The following YAE1 variants were observed in gnomAD, a reference collection of about 807,000 sequenced individuals.
YAE1 encodes the protein protein YAE1 homolog.
In YAE1, 22 loss-of-function variants were observed where a neutral mutation model predicts 23.0. The ratio of observed to expected loss-of-function variants is 0.96; its 90% confidence interval spans 0.68 to 1.37. The LOEUF is 1.37. Ranked by LOEUF, YAE1 falls within the 40% of genes most tolerant of loss-of-function variation. The probability of loss-of-function intolerance (pLI) is 0.00; values close to 1 mark genes in which losing one functional copy is unlikely to be tolerated. For missense variants in YAE1, 260 were observed against 262.1 expected (o/e 0.99, Z 0.06); for synonymous variants, 101 against 97.0 (o/e 1.04, Z -0.24).
chr7:39,589,830 G>A (rs1420355149), intron 2 of YAE1, among the ~76,000 whole-genome samples: 2 of 152,140 alleles, frequency 1.3e-5, no homozygotes, highest in East Asian at 1.9e-4. Context: ...GCAGGCAGTC[G>A]CATTTAGGAA....
chr7:39,582,597 T>G (rs1024379664), intron 2 of YAE1, among the ~76,000 whole-genome samples: 1 of 152,232 alleles, frequency 6.6e-6, no homozygotes, highest in South Asian at 2.1e-4. Context: ...AATGTTCACT[T>G]ATGACCCACC....
chr7:39,582,830 A>G (rs955782830), intron 2 of YAE1, among the ~76,000 whole-genome samples: 1 of 152,228 alleles, frequency 6.6e-6, no homozygotes, highest in Non-Finnish European at 1.5e-5. Flanking sequence ...AGTCAGGCAA[A>G]GTAAGTTGCC....
chr7:39,603,269 G>A (rs1401069989), intron 2 of YAE1, among the ~76,000 whole-genome samples: 1 of 152,170 alleles, frequency 6.6e-6, no homozygotes, highest in Non-Finnish European at 1.5e-5. Flanking sequence ...CTCCCGAGTA[G>A]CTGGGACTAC....
At chr7:39,585,815 T>C (rs1790806641) in intron 2 of YAE1, among the ~76,000 whole-genome samples, 2 of 152,194 alleles carry the variant, frequency 1.3e-5, no homozygotes, top group Admixed American at 1.3e-4. Flanking sequence ...ACTTAAAAAA[T>C]ATATCTTGAT....
chr7:39,569,735 G>T (rs1284906872), intron 1 of YAE1: 8 of 739,252 alleles, frequency 1.1e-5, no homozygotes, highest in Non-Finnish European at 1.5e-5. Flanking sequence ...ATAGCTGAAA[G>T]AGTGCTGACG....
At chr7:39,602,306 C>T (rs1036942854) in intron 2 of YAE1, among the ~76,000 whole-genome samples, 3 of 152,174 alleles carry the variant, frequency 2.0e-5, no homozygotes, top group Non-Finnish European at 4.4e-5. Flanking sequence ...CCAATGCAGC[C>T]GATAGACTGC....
chr7:39,606,055 T>C lies in YAE1; in HGVS notation c.252-3562T>C, dbSNP rs1009356661. 2.6e-5 allele frequency among the ~76,000 whole-genome samples: 4 copies of C among 152,074 alleles called. No homozygotes were observed. In the South Asian group the frequency reaches 8.3e-4, roughly 32 times the overall value. On this transcript the variant is annotated intron_variant, in intron 2 of 2. Coordinates refer to the YAE1 transcript ENST00000432096. The stretch of plus-strand genomic sequence containing the variant: ...AGAATCATGGTAAACAATTTTTTTT[T>C]TTTAGAAATTCTCTCCAGAAAACCA...
intron 2 of YAE1, among the ~76,000 whole-genome samples, chr7:39,609,349 G>C (rs1489656307): frequency 2.6e-5 from 4 of 152,212 alleles, no homozygotes; most frequent in African/African-American, 7.2e-5. Context: ...TCTTTAAAAG[G>C]AAATGCAGTC....
At chr7:39,582,228 T>C (rs976805658) in intron 2 of YAE1, among the ~76,000 whole-genome samples, 12 of 152,218 alleles carry the variant, frequency 7.9e-5, no homozygotes, top group Admixed American at 5.2e-4. Context: ...AGATAGGGCC[T>C]CACTGTGTTG....
chr7:39,606,142 T>C (rs1347942670), intron 2 of YAE1, among the ~76,000 whole-genome samples: 1 of 152,124 alleles, frequency 6.6e-6, no homozygotes, highest in Admixed American at 6.5e-5. Context: ...CTTCCAATTG[T>C]TTTTCTTCCT....
chr7:39,570,041 G>T lies in YAE1; in HGVS notation c.130-465G>T, dbSNP rs1027492618. On this transcript the variant is annotated intron_variant, in intron 1 of 2. Coordinates refer to ENST00000223273, the MANE Select transcript of YAE1 (RefSeq NM_020192.5). The stretch of plus-strand genomic sequence containing the variant: ...GTTTTGACAAGCAGGGCACCACGGG[G>T]CATAAAATTGTATCATCCAGCCTCC... The T allele has an allele frequency of 9.6e-6, 13 of 1,354,054 alleles. No individual in the cohort carries two copies. The African/African-American group carries it at 1.4e-4, about 15-fold the overall frequency. The allele number at this position is 1,354,054 out of a possible 1,614,324, so 83.9% of individuals were successfully genotyped here.
intron 2 of YAE1, among the ~76,000 whole-genome samples, chr7:39,607,757 C>T (rs1019109755): frequency 2.0e-5 from 3 of 152,196 alleles, no homozygotes; most frequent in African/African-American, 7.2e-5. Context: ...CCACCTCTGC[C>T]TCCCGGGTTC....
downstream of YAE1, among the ~76,000 whole-genome samples, chr7:39,576,942 T>G (rs1790663874): frequency 1.3e-5 from 2 of 152,226 alleles, no homozygotes; most frequent in Non-Finnish European, 2.9e-5. Flanking sequence ...TTGCCCAAGC[T>G]GGAGTGCAAT....
intron 2 of YAE1, among the ~76,000 whole-genome samples, chr7:39,594,792 C>T (rs1790952953): frequency 6.6e-6 from 1 of 152,100 alleles, no homozygotes; most frequent in Admixed American, 6.5e-5. Context: ...GATGGGCTTT[C>T]ACCATGTGGG....
chr7:39,609,472 A>C, intron 2 of YAE1: 1 of 1,074,946 alleles, frequency 9.3e-7, no homozygotes, highest in Non-Finnish European at 1.3e-6. Flanking sequence ...AGAATGGGGA[A>C]AGTTGGGGGG....
intron 2 of YAE1, among the ~76,000 whole-genome samples, chr7:39,609,230 A>C (rs1426636102): frequency 1.3e-5 from 2 of 152,260 alleles, no homozygotes; most frequent in Admixed American, 6.5e-5. Flanking sequence ...CTGCAGGAAA[A>C]GGGAGACCCC....
intron 2 of YAE1, among the ~76,000 whole-genome samples, chr7:39,590,826 T>C (rs2115820937): frequency 6.6e-6 from 1 of 152,344 alleles, no homozygotes; most frequent in South Asian, 2.1e-4. Context: ...ACACTCAACC[T>C]GTAATAATAT....
At chr7:39,568,095 G>A (rs1056498231) in intron 1 of YAE1, among the ~76,000 whole-genome samples, 6 of 151,910 alleles carry the variant, frequency 3.9e-5, no homozygotes, top group Non-Finnish European at 8.8e-5. Context: ...AAAATTAGCC[G>A]GGTATAGTGG....
intron 2 of YAE1, among the ~76,000 whole-genome samples, chr7:39,606,674 A>G (rs1004706560): frequency 6.8e-6 from 1 of 148,128 alleles, no homozygotes; most frequent in African/African-American, 2.5e-5. Context: ...TTAAGGGCAA[A>G]TTAGAAGATT....
Sources: gnomAD v4.1 joint callset for allele counts (sites outside exome capture counted in the v4.1 genomes callset) on GRCh38, gnomAD v4.1.1 for gene constraint, MANE v1.5 for transcripts, NCBI Gene and HGNC (gene_info 2026-07-23, HGNC 2026-07-21) for gene names.